Variants in FAM120B observed in about 807,000 individuals in gnomAD.
FAM120B encodes family with sequence similarity 120 member B, also known as constitutive coactivator of peroxisome proliferator-activated receptor gamma.
In FAM120B, 83 loss-of-function variants were observed where a neutral mutation model predicts 96.3. The ratio of observed to expected loss-of-function variants is 0.86; its 90% CI spans 0.72 to 1.03. FAM120B has a LOEUF of 1.03. FAM120B is among the 50% of genes least tolerant of loss of function. FAM120B has a pLI of 0.00. For missense variants in FAM120B, 1,027 were observed against 1,121.2 expected (o/e 0.92, Z 1.20); for synonymous variants, 407 against 402.7 (o/e 1.01, Z -0.13).
chr6:170,385,093 C>T (rs1356388125), intron 6 of FAM120B, among the ~76,000 whole-genome samples: 2 of 152,238 alleles, frequency 1.3e-5, no homozygotes, highest in African/African-American at 2.4e-5. Flanking sequence ...GATGACAGCT[C>T]ATAAAGCAAG....
intron 4 of FAM120B, among the ~76,000 whole-genome samples, chr6:170,337,374 A>T (rs1279774313): frequency 2.0e-5 from 3 of 152,222 alleles, no homozygotes; most frequent in African/African-American, 7.2e-5. Context: ...CATCCCAGGG[A>T]TGAAGCCGAC....
At chr6:170,291,797 G>A (rs1783883907), upstream of FAM120B, among the ~76,000 whole-genome samples, 1 of 152,094 alleles carries the variant, frequency 6.6e-6, no homozygotes, top group Non-Finnish European at 1.5e-5. Flanking sequence ...CCGGGGGCCG[G>A]ACAGCATATC....
At chr6:170,306,029 T>A (rs1050403918), upstream of FAM120B, among the ~76,000 whole-genome samples, 1 of 152,192 alleles carries the variant, frequency 6.6e-6, no homozygotes, top group African/African-American at 2.4e-5. Context: ...AGCATCCTGC[T>A]CCCTCACTGC....
chr6:170,345,181 A>G (rs142666594), intron 4 of FAM120B, among the ~76,000 whole-genome samples: 212 of 152,296 alleles, frequency 1.4e-3, no homozygotes, highest in African/African-American at 5.0e-3. Context: ...CCTCCTTTCA[A>G]TCCCAGAATA....
chr6:170,303,281 C>A (rs185942636), upstream of FAM120B, among the ~76,000 whole-genome samples: 1 of 152,114 alleles, frequency 6.6e-6, no homozygotes, highest in African/African-American at 2.4e-5. Context: ...ACTCTGTCAC[C>A]CAGGCTGGAG....
intron 6 of FAM120B, among the ~76,000 whole-genome samples, chr6:170,361,591 C>G (rs1788463345): frequency 6.6e-6 from 1 of 152,024 alleles, no homozygotes; most frequent in Non-Finnish European, 1.5e-5. Context: ...GTAGTTAGGT[C>G]TCTGAGTGCC....
At chr6:170,397,477 T>G (rs983360145) in intron 9 of FAM120B, among the ~76,000 whole-genome samples, 1 of 152,066 alleles carries the variant, frequency 6.6e-6, no homozygotes, top group Non-Finnish European at 1.5e-5. Context: ...GGGCTAGACT[T>G]GGAGGGCCCT....
rs1049061679 is a variant in FAM120B, at chr6:170,405,970, A to AGTGC, written c.*1219_*1220insGTGC. ...GTTTATGATGCCACAAGTGAATGGC[A>AGTGC]CGTTTGTTCCTCTTTATCTCTGAGC... On this transcript the variant is annotated 3_prime_UTR_variant, in exon 11 of 11. Coordinates refer to ENST00000476287, the MANE Select transcript of FAM120B (RefSeq NM_032448.3). The AGTGC allele has an allele frequency of 6.6e-6, 1 of 152,188 alleles. No homozygotes were observed. Among genetic ancestry groups the AGTGC allele is most frequent in the African/African-American group, 2.4e-5 (1 of 41,436 alleles). 9.4% of individuals were successfully genotyped at this position (152,188 alleles called of 1,614,324 possible). A position where few individuals can be genotyped will look rare whatever the true frequency, so the allele number is the denominator to read the frequency against.
At chr6:170,361,204 A>ATATACGTG (rs1788366103) in intron 6 of FAM120B, among the ~76,000 whole-genome samples, 6 of 86,256 alleles carry the variant, frequency 7.0e-5, no homozygotes, top group Non-Finnish European at 1.1e-4. Context: ...ACGTGTATAT[A>ATATACGTG]TATATATATA....
intron 6 of FAM120B, among the ~76,000 whole-genome samples, chr6:170,358,551 A>C (rs1483914682): frequency 6.6e-6 from 1 of 152,246 alleles, no homozygotes; most frequent in Non-Finnish European, 1.5e-5. Flanking sequence ...TGTAGTTCTC[A>C]ATACTGCCTT....
At chr6:170,313,208 T>C (rs1784697008) in intron 1 of FAM120B, among the ~76,000 whole-genome samples, 1 of 152,204 alleles carries the variant, frequency 6.6e-6, no homozygotes, top group Non-Finnish European at 1.5e-5. Flanking sequence ...TACTATCCTG[T>C]GTGCTGGCAA....
chr6:170,392,993 G>A (rs1790552002), intron 8 of FAM120B, among the ~76,000 whole-genome samples: 1 of 152,144 alleles, frequency 6.6e-6, no homozygotes, highest in Non-Finnish European at 1.5e-5. Flanking sequence ...CACATTGCCT[G>A]TTTCCTTACC....
intron 9 of FAM120B, among the ~76,000 whole-genome samples, chr6:170,397,265 A>C (rs1481503366): frequency 6.6e-6 from 1 of 152,158 alleles, no homozygotes; most frequent in Non-Finnish European, 1.5e-5. Context: ...CAGAGCACTT[A>C]GGTCCAAATG....
Position 170,395,471 on chromosome 6 carries a change from CTA to C in FAM120B, c.2600-14_2600-13del, listed in dbSNP as rs757172722. The C allele has an allele frequency of 1.9e-6, 3 of 1,568,802 alleles. No individual in the cohort carries two copies. The highest frequency in any genetic ancestry group is 2.6e-6 in the Non-Finnish European group (3 of 1,154,236). On this transcript the variant is annotated splice_polypyrimidine_tract_variant and intron_variant, in intron 8 of 10. Transcript: ENST00000476287. ...ATTTGACAACTTACTAATCTTCTGA[CTA>C]TGTGTTCCCACAGGGAGGTGGGGAA...
chr6:170,333,440 C>T (rs1264881753), intron 4 of FAM120B, among the ~76,000 whole-genome samples: 1 of 151,992 alleles, frequency 6.6e-6, no homozygotes, highest in Non-Finnish European at 1.5e-5. Context: ...TTTGCCATAG[C>T]ATCTCAGATG....
At chr6:170,384,996 T>C (rs2144249) in intron 6 of FAM120B, among the ~76,000 whole-genome samples, 30,068 of 152,144 alleles carry the variant, frequency 0.2, 4,098 homozygotes, top group East Asian at 0.78. Flanking sequence ...AACACACTCA[T>C]CCTAACGGAC....
At chr6:170,326,901 G>T (rs2115051401) in intron 3 of FAM120B, among the ~76,000 whole-genome samples, 1 of 152,126 alleles carries the variant, frequency 6.6e-6, no homozygotes, top group Admixed American at 6.5e-5. Flanking sequence ...ACCACACCCG[G>T]CTAATTTTTA....
chr6:170,318,456 T>G lies in FAM120B; in HGVS notation c.1066T>G (p.Cys356Gly). The G allele has an allele frequency of 1.2e-6, 2 of 1,605,464 alleles. No homozygotes were observed. The highest frequency in any genetic ancestry group is 1.7e-6 in the Non-Finnish European group (2 of 1,174,772). ...TGAATCCAGGCAAGAAGTTCCCATG[T>G]GTACAGGCCCTGAATCCAGGCGAGA... ...DAESRQEVPM[C>G]TGPESRREVP... The change falls in exon 2 of 11, where the codon TGT becomes GGT. Residue 356 changes from cysteine (C) to glycine (G), a missense_variant. Physicochemically the swap from Cys to Gly is radical, Grantham distance 159 (BLOSUM62 -3). Coordinates refer to ENST00000476287, the MANE Select transcript of FAM120B (RefSeq NM_032448.3).
At chr6:170,356,629 C>T (rs1267892991) in intron 5 of FAM120B, among the ~76,000 whole-genome samples, 3 of 152,118 alleles carry the variant, frequency 2.0e-5, no homozygotes, top group Non-Finnish European at 4.4e-5. Context: ...GTGGAGCCCA[C>T]AGATTTGAAA....
Sources: gnomAD v4.1 joint callset for allele counts (sites outside exome capture counted in the v4.1 genomes callset) on GRCh38, gnomAD v4.1.1 for gene constraint, MANE v1.5 for transcripts, NCBI Gene and HGNC (gene_info 2026-07-23, HGNC 2026-07-21) for gene names.